Variants in TXLNB observed in about 807,000 individuals in gnomAD.
The protein encoded by TXLNB is beta-taxilin.
TXLNB carries 37 observed loss-of-function variants against 57.4 expected under a neutral mutation model. The observed-to-expected ratio is 0.64, with a 90% CI of 0.50 to 0.85. TXLNB has a LOEUF of 0.85. Ranked by LOEUF, TXLNB falls within the 40% of genes least tolerant of loss-of-function variation. The pLI is 0.00. For missense variants in TXLNB, 848 were observed against 825.6 expected (o/e 1.03, Z -0.33); for synonymous variants, 302 against 309.6 (o/e 0.98, Z 0.26).
In TXLNB at chr6:139,240,153, C is replaced by A. The variant is rs1280379611; in HGVS notation, c.*2373G>T. Reference sequence around the variant, plus strand: ...TTTAGTGTTTCTAGAAAGTAGATGGCATTTCTAAAAAATAGTTACATACAC... The same window carrying A: ...TTTAGTGTTTCTAGAAAGTAGATGGAATTTCTAAAAAATAGTTACATACAC... On this transcript the variant is annotated 3_prime_UTR_variant, in exon 10 of 10. Transcript: ENST00000358430. 1 of 152,480 alleles carries A rather than the reference C, an allele frequency of 6.6e-6. No homozygotes were observed. The highest frequency in any genetic ancestry group is 2.4e-5 in the African/African-American group (1 of 41,408). The allele number at this position is 152,480 out of a possible 1,614,324, so 9.4% of individuals were successfully genotyped here. A position where few individuals can be genotyped will look rare whatever the true frequency, so the allele number is the denominator to read the frequency against.
the TXLNB span, among the ~76,000 whole-genome samples, chr6:139,216,389 A>C: frequency 6.8e-6 from 1 of 147,596 alleles, no homozygotes; most frequent in Non-Finnish European, 1.5e-5. Flanking sequence ...AAAACCAAAC[A>C]CCGCGTGTTC....
the TXLNB span, among the ~76,000 whole-genome samples, chr6:139,193,178 A>G: frequency 6.8e-6 from 1 of 148,126 alleles, no homozygotes; most frequent in South Asian, 2.1e-4. Context: ...TTCCTCCTTA[A>G]GTGGTCCTTC....
the TXLNB span, among the ~76,000 whole-genome samples, chr6:139,300,664 T>A: frequency 1.3e-5 from 2 of 152,184 alleles, no homozygotes; most frequent in East Asian, 3.9e-4. Context: ...TTTGGGAGGC[T>A]GACGTGGTGG....
chr6:139,294,307 C>G (rs1777352639), upstream of TXLNB, among the ~76,000 whole-genome samples: 1 of 152,058 alleles, frequency 6.6e-6, no homozygotes. Flanking sequence ...TGGGAATTTC[C>G]TCAACACTTG....
chr6:139,188,745 T>G, the TXLNB span, among the ~76,000 whole-genome samples: 1 of 149,942 alleles, frequency 6.7e-6, no homozygotes, highest in African/African-American at 2.5e-5. Flanking sequence ...GTTTTCCAGA[T>G]TTCTTTTTCT....
Position 139,257,739 on chromosome 6 carries a change from G to A in TXLNB, c.1003-2101C>T, listed in dbSNP as rs190598518. On this transcript the variant is annotated intron_variant, in intron 6 of 9. Coordinates refer to ENST00000358430, the MANE Select transcript of TXLNB (RefSeq NM_153235.4). ...ATCCCTATTGTAAAAAAAAGTCCAC[G>A]AGGTCTATGTATTATATAATCAGAA... Among the ~76,000 whole-genome samples the A allele has an allele frequency of 1.2e-4, 18 of 152,158 alleles. No homozygotes were observed. The East Asian group carries it at 3.1e-3, about 26-fold the overall frequency.
At chr6:139,166,846 C>T in the TXLNB span, 2 of 1,613,800 alleles carry the variant, frequency 1.2e-6, no homozygotes, top group African/African-American at 1.3e-5. Flanking sequence ...CGGGCTACTC[C>T]ATCCTCTCTC....
chr6:139,238,157 G>T (rs1775856902), downstream of TXLNB, among the ~76,000 whole-genome samples: 1 of 152,208 alleles, frequency 6.6e-6, no homozygotes, highest in Non-Finnish European at 1.5e-5. Context: ...ACTTTGGGAG[G>T]CCAAGGCAGG....
the TXLNB span, among the ~76,000 whole-genome samples, chr6:139,224,832 C>T: frequency 6.6e-6 from 1 of 151,708 alleles, no homozygotes; most frequent in Non-Finnish European, 1.5e-5. Flanking sequence ...AAACTTTTCC[C>T]CCAAGATAGA....
intron 6 of TXLNB, 94 bp from the exon 7 acceptor site, chr6:139,255,732 C>T: frequency 1.1e-6 from 1 of 887,666 alleles, no homozygotes; most frequent in Non-Finnish European, 1.8e-6. Context: ...GCAACCTGCT[C>T]ATTAACCTCC....
the TXLNB span, among the ~76,000 whole-genome samples, chr6:139,184,360 G>A: frequency 7.2e-5 from 11 of 152,200 alleles, no homozygotes; most frequent in Admixed American, 5.9e-4. Flanking sequence ...CAACACAGGC[G>A]CCAACATAGA....
Position 139,260,395 on chromosome 6 carries a change from G to A in TXLNB, c.925C>T (p.Leu309=). 2 of 1,614,056 alleles carry A rather than the reference G, an allele frequency of 1.2e-6. No individual in the cohort carries two copies. The change falls in exon 6 of 10, where the codon CTG becomes TTG. Residue 309 remains leucine, a synonymous_variant. Coordinates refer to ENST00000358430, the MANE Select transcript of TXLNB (RefSeq NM_153235.4). Reference sequence around the variant, plus strand: ...GCCTGCTCAAGCTTTGCATCCACCAGCTTCTGCTGCAGTTCTCTGTGTTTA... The same window carrying A: ...GCCTGCTCAAGCTTTGCATCCACCAACTTCTGCTGCAGTTCTCTGTGTTTA... ...IFKHRELQQK[L]VDAKLEQAQE...
downstream of TXLNB, among the ~76,000 whole-genome samples, chr6:139,235,794 C>A (rs191841044): frequency 1.4e-3 from 218 of 152,262 alleles, no homozygotes; most frequent in African/African-American, 4.6e-3. Context: ...CCACGCCCCC[C>A]CTTCCTGTGC....
the TXLNB span, among the ~76,000 whole-genome samples, chr6:139,195,893 G>A: frequency 1.3e-5 from 2 of 151,950 alleles, no homozygotes; most frequent in Non-Finnish European, 2.9e-5. Context: ...TACGTCTGCT[G>A]AGGTGAACTA....
the TXLNB span, chr6:139,170,155 T>G: frequency 1.3e-5 from 2 of 152,250 alleles, no homozygotes; most frequent in African/African-American, 4.8e-5. Context: ...TTCTCCATTG[T>G]AAAACTTGAA....
At chr6:139,185,253 G>A in the TXLNB span, among the ~76,000 whole-genome samples, 9 of 150,796 alleles carry the variant, frequency 6.0e-5, no homozygotes, top group African/African-American at 2.2e-4. Flanking sequence ...TACCTAAAAG[G>A]TCAGTTTACT....
At chr6:139,250,564 A>G (rs1306568368) in intron 7 of TXLNB, among the ~76,000 whole-genome samples, 1 of 151,656 alleles carries the variant, frequency 6.6e-6, no homozygotes, top group African/African-American at 2.4e-5. Flanking sequence ...CTTCTATCAC[A>G]AAATCTTTTC....
chr6:139,238,575 C>G (rs1048404788), downstream of TXLNB, among the ~76,000 whole-genome samples: 1 of 152,100 alleles, frequency 6.6e-6, no homozygotes, highest in Admixed American at 6.6e-5. Flanking sequence ...AGAGACTTAA[C>G]GTCAGTATTG....
At chr6:139,169,839 A>G in the TXLNB span, 1 of 152,352 alleles carries the variant, frequency 6.6e-6, no homozygotes, top group South Asian at 2.1e-4. Context: ...GTTCATCAGT[A>G]TAAGTCCTAA....
Sources: allele counts gnomAD v4.1 joint callset (sites outside exome capture counted in the v4.1 genomes callset), GRCh38; gene constraint gnomAD v4.1.1; transcripts MANE v1.5; gene names NCBI Gene and HGNC (gene_info 2026-07-23, HGNC 2026-07-21).